KHDRBS3: variants seen among roughly 807,000 people sequenced by gnomAD.
The protein encoded by KHDRBS3 is KH RNA binding domain containing, signal transduction associated 3, also known as KH domain-containing, RNA-binding, signal transduction-associated protein 3.
KHDRBS3 carries 23 observed loss-of-function variants against 45.6 expected under a neutral mutation model. The ratio of observed to expected loss-of-function variants is 0.50; its 90% CI spans 0.36 to 0.72. The LOEUF (loss-of-function observed/expected upper bound fraction) is 0.72, where lower values mean the gene tolerates loss of function less well. KHDRBS3 is among the 30% of genes least tolerant of loss of function. KHDRBS3 has a pLI of 0.00. For synonymous variants in KHDRBS3, 162 were observed against 156.5 expected, an observed-to-expected ratio of 1.04 and a Z score of -0.26; for missense variants, 352 against 424.8, an observed-to-expected ratio of 0.83 and a Z score of 1.51.
intron 4 of KHDRBS3, among the ~76,000 whole-genome samples, chr8:135,552,546 T>C (rs2130812085): frequency 6.6e-6 from 1 of 152,300 alleles, no homozygotes; most frequent in South Asian, 2.1e-4. Context: ...TCTTTGCATG[T>C]TTCTTAATTT....
chr8:135,503,473 A>T (rs139062299), intron 1 of KHDRBS3, among the ~76,000 whole-genome samples: 1 of 152,258 alleles, frequency 6.6e-6, no homozygotes, highest in East Asian at 1.9e-4. Context: ...ACATCTGAGG[A>T]TTAAACGTGG....
chr8:135,564,209 T>C (rs1204051138), intron 5 of KHDRBS3, among the ~76,000 whole-genome samples: 4 of 152,220 alleles, frequency 2.6e-5, no homozygotes, highest in African/African-American at 9.7e-5. Context: ...TTTCATGATG[T>C]CACATCTTTG....
At chr8:135,553,873 G>A (rs935492284) in intron 4 of KHDRBS3, among the ~76,000 whole-genome samples, 3 of 152,068 alleles carry the variant, frequency 2.0e-5, no homozygotes, top group Admixed American at 6.6e-5. Flanking sequence ...CTTTTCAGAC[G>A]GGGAGTTAAA....
intron 7 of KHDRBS3, among the ~76,000 whole-genome samples, chr8:135,641,078 C>G (rs548682565): frequency 2.7e-4 from 41 of 152,278 alleles, no homozygotes; most frequent in Admixed American, 2.2e-3. Context: ...TAAGTTTTCA[C>G]TTGTCAAAAC....
rs141052238 is a variant in KHDRBS3 at position 135,521,328 on chromosome 8, G to A, written c.180G>A (p.Val60=). The part of the protein sequence containing the change: ...INKNMKLGQK[V]LIPVKQFPKF... Reference sequence around the variant, plus strand: ...AGAACATGAAGCTGGGACAGAAAGTGTTAATTCCCGTAAAACAGTTCCCTA... The same window carrying A: ...AGAACATGAAGCTGGGACAGAAAGTATTAATTCCCGTAAAACAGTTCCCTA... The change falls in exon 2 of 9, where the codon GTG becomes GTA. Residue 60 remains valine, a synonymous_variant. Coordinates refer to ENST00000355849, the MANE Select transcript of KHDRBS3 (RefSeq NM_006558.3). 3 of 1,610,248 alleles carry A rather than the reference G, an allele frequency of 1.9e-6. No individual in the cohort carries two copies. The East Asian group carries it at 6.7e-5, about 36-fold the overall frequency.
intron 7 of KHDRBS3, among the ~76,000 whole-genome samples, chr8:135,638,997 G>A (rs1226521699): frequency 6.6e-6 from 1 of 151,660 alleles, no homozygotes; most frequent in Non-Finnish European, 1.5e-5. Context: ...AGTAGCTAGT[G>A]AGATAGGAAG....
chr8:135,504,087 G>T (rs1273473354), intron 1 of KHDRBS3, among the ~76,000 whole-genome samples: 1 of 152,068 alleles, frequency 6.6e-6, no homozygotes, highest in African/African-American at 2.4e-5. Context: ...CTTGCTTTTT[G>T]CTTTTTTCTC....
intron 1 of KHDRBS3, among the ~76,000 whole-genome samples, chr8:135,515,208 T>C (rs545842239): frequency 2.5e-4 from 38 of 151,156 alleles, no homozygotes; most frequent in Admixed American, 1.9e-3. Flanking sequence ...CTACTAAAAA[T>C]ACAAAAAATT....
chr8:135,644,071 A>T (rs949805772), intron 7 of KHDRBS3, among the ~76,000 whole-genome samples: 17 of 152,212 alleles, frequency 1.1e-4, no homozygotes, highest in Non-Finnish European at 2.4e-4. Context: ...TCCCTACAAA[A>T]TGGAGTGGGA....
chr8:135,521,185 G>A, intron 1 of KHDRBS3, 52 bp from the exon 2 acceptor site: 1 of 1,067,026 alleles, frequency 9.4e-7, no homozygotes, highest in Non-Finnish European at 1.5e-6. Flanking sequence ...AGAACACCCA[G>A]CCCCTGCATT....
chr8:135,626,579 G>A (rs917764699), intron 7 of KHDRBS3, among the ~76,000 whole-genome samples: 7 of 151,974 alleles, frequency 4.6e-5, no homozygotes, highest in African/African-American at 1.5e-4. Flanking sequence ...CGAGGCGGGC[G>A]GATCACGAGG....
intron 1 of KHDRBS3, among the ~76,000 whole-genome samples, chr8:135,459,269 G>T (rs943664108): frequency 5.3e-5 from 8 of 152,266 alleles, no homozygotes; most frequent in African/African-American, 1.9e-4. Context: ...TTGACCGATG[G>T]TGGAGGAGAG....
At chr8:135,459,915 A>G (rs1377319868) in intron 1 of KHDRBS3, among the ~76,000 whole-genome samples, 1 of 152,214 alleles carries the variant, frequency 6.6e-6, no homozygotes, top group Non-Finnish European at 1.5e-5. Flanking sequence ...AATTCTTATA[A>G]GAAGTATATT....
intron 1 of KHDRBS3, among the ~76,000 whole-genome samples, chr8:135,505,282 C>T (rs1823934307): frequency 6.6e-6 from 1 of 152,156 alleles, no homozygotes; most frequent in Non-Finnish European, 1.5e-5. Context: ...AACTAGAGCT[C>T]AGTGAGGCCA....
At chr8:135,488,098 A>T (rs1490046821) in intron 1 of KHDRBS3, among the ~76,000 whole-genome samples, 1 of 152,212 alleles carries the variant, frequency 6.6e-6, no homozygotes. Flanking sequence ...GTATTCAGAA[A>T]ACATCTCTAT....
At chr8:135,592,759 C>G (rs1828805940) in intron 6 of KHDRBS3, among the ~76,000 whole-genome samples, 1 of 8,172 alleles carries the variant, frequency 1.2e-4, no homozygotes. Context: ...GCTTCGAACT[C>G]TGGTTATATA....
intron 1 of KHDRBS3, among the ~76,000 whole-genome samples, chr8:135,469,533 T>G (rs6986072): frequency 9.8e-5 from 10 of 101,730 alleles, no homozygotes; most frequent in African/African-American, 2.8e-4. Flanking sequence ...GTTTTTTTTT[T>G]TTTTTTTTTT....
At chr8:135,580,467 G>A (rs764516594) in intron 5 of KHDRBS3, among the ~76,000 whole-genome samples, 2 of 152,014 alleles carry the variant, frequency 1.3e-5, no homozygotes, top group South Asian at 4.1e-4. Flanking sequence ...CTTTGTGTTG[G>A]TCATTATGAA....
At chr8:135,638,775 C>G (rs35578721) in intron 7 of KHDRBS3, among the ~76,000 whole-genome samples, 30,888 of 152,124 alleles carry the variant, frequency 0.2, 3,699 homozygotes, top group Middle Eastern at 0.28. Context: ...TGGTGAAACC[C>G]TGTCTCTACT....
Sources: gnomAD v4.1 joint callset for allele counts (sites outside exome capture counted in the v4.1 genomes callset) on GRCh38, gnomAD v4.1.1 for gene constraint, MANE v1.5 for transcripts, NCBI Gene and HGNC (gene_info 2026-07-23, HGNC 2026-07-21) for gene names.